PPP2R2B: variants seen among roughly 807,000 people sequenced by gnomAD.
PPP2R2B encodes the protein protein phosphatase 2 regulatory subunit Bbeta, also known as serine/threonine-protein phosphatase 2A 55 kDa regulatory subunit B beta isoform.
Under a neutral mutation model 46.0 loss-of-function variants are expected in PPP2R2B, and 5 were observed. The observed-to-expected ratio is 0.11, with a 90% CI of 0.06 to 0.23. The LOEUF is 0.23. PPP2R2B is among the 10% of genes least tolerant of loss of function. PPP2R2B has a pLI of 1.00. For synonymous variants in PPP2R2B, 215 were observed against 206.7 expected, an observed-to-expected ratio of 1.04 and a Z score of -0.34; for missense variants, 367 against 575.0, an observed-to-expected ratio of 0.64 and a Z score of 3.70.
intron 2 of PPP2R2B, among the ~76,000 whole-genome samples, chr5:146,712,493 T>A (rs1445929538): frequency 3.9e-5 from 6 of 152,224 alleles, no homozygotes; most frequent in African/African-American, 1.4e-4. Context: ...CTTTTATCTA[T>A]CCACTGAAAA....
At position 146,886,090 on chromosome 5, in the gene PPP2R2B, A is replaced by T. The variant is rs147466540; in HGVS notation, c.79+169575T>A. On this transcript the variant is annotated intron_variant, in intron 1 of 8. Coordinates refer to the PPP2R2B transcript ENST00000336640. ...GCGGTGGCTCACGCCTGTAGCCCCA[A>T]CACTTTGGGAGGCCGAGGCGGGCGG... 3.8e-3 allele frequency among the ~76,000 whole-genome samples: 575 copies of T among 152,172 alleles called. 1 individual carries two copies. Among genetic ancestry groups the T allele is most frequent in the African/African-American group, 0.013 (546 of 41,538 alleles).
chr5:147,079,445 C>CATATATACATATATATATAT (rs1757903695), intron 2 of PPP2R2B, among the ~76,000 whole-genome samples: 2 of 132,302 alleles, frequency 1.5e-5, no homozygotes, highest in African/African-American at 5.6e-5. Context: ...TATATATATA[C>CATATATACATATATATATAT]ATATATATAT....
chr5:146,737,348 A>G (rs1275502835), intron 2 of PPP2R2B, among the ~76,000 whole-genome samples: 1 of 152,230 alleles, frequency 6.6e-6, no homozygotes, highest in Non-Finnish European at 1.5e-5. Context: ...TCTTGCCAGT[A>G]GCTTTCCAAG....
chr5:146,724,330 G>A (rs1751709513), intron 2 of PPP2R2B, among the ~76,000 whole-genome samples: 1 of 150,512 alleles, frequency 6.6e-6, no homozygotes, highest in African/African-American at 2.5e-5. Context: ...TTTTTTTGAG[G>A]GTTACATGAG....
chr5:147,055,779 C>A, exon 1 of PPP2R2B: 1 of 1,569,748 alleles, frequency 6.4e-7, no homozygotes, highest in Non-Finnish European at 8.6e-7. Context: ...AATAAAAAAA[C>A]AGTCTCCTGA....
At chr5:146,874,136 G>A (rs1761768468) in intron 2 of PPP2R2B, among the ~76,000 whole-genome samples, 2 of 152,136 alleles carry the variant, frequency 1.3e-5, no homozygotes, top group South Asian at 4.1e-4. Flanking sequence ...GGCATCTTGT[G>A]CCTTTCCTAA....
chr5:147,010,312 AG>A (rs1754656310), intron 1 of PPP2R2B, among the ~76,000 whole-genome samples: 1 of 152,282 alleles, frequency 6.6e-6, no homozygotes, highest in Admixed American at 6.5e-5. Context: ...GCAGGGTGGA[AG>A]GGGGAATGGT....
rs113149104 is a variant in PPP2R2B, at chr5:146,592,637, T to C, written c.1052+334A>G. On this transcript the variant is annotated intron_variant, in intron 9 of 9. Coordinates refer to ENST00000394411, the MANE Select transcript of PPP2R2B (RefSeq NM_181675.4). The stretch of plus-strand genomic sequence containing the variant: ...AAGCCTACTTGGCATTAATCTGAAC[T>C]GTTCAGGCTGGAATTTGCTGGTGGA... Among the ~76,000 whole-genome samples the C allele has an allele frequency of 1.2e-3, 180 of 152,364 alleles. 1 individual carries two copies. The highest frequency in any genetic ancestry group is 4.2e-3 in the African/African-American group (176 of 41,588).
At chr5:146,804,011 A>C (rs541894406) in intron 2 of PPP2R2B, among the ~76,000 whole-genome samples, 43 of 151,946 alleles carry the variant, frequency 2.8e-4, no homozygotes, top group African/African-American at 9.9e-4. Context: ...ACTAGAAATA[A>C]AAAAAATTAG....
chr5:146,828,759 G>A (rs1758738423), intron 2 of PPP2R2B, among the ~76,000 whole-genome samples: 1 of 152,074 alleles, frequency 6.6e-6, no homozygotes, highest in Non-Finnish European at 1.5e-5. Context: ...CCCCCTCTTT[G>A]GAATTCTTAG....
intron 5 of PPP2R2B, among the ~76,000 whole-genome samples, chr5:146,671,511 G>T (rs1358851438): frequency 6.6e-6 from 1 of 152,174 alleles, no homozygotes; most frequent in East Asian, 1.9e-4. Context: ...TTTTACATTT[G>T]CTTCCTATAA....
intron 2 of PPP2R2B, among the ~76,000 whole-genome samples, chr5:146,749,330 C>A (rs952142460): frequency 6.6e-6 from 1 of 151,964 alleles, no homozygotes; most frequent in African/African-American, 2.4e-5. Flanking sequence ...TATTTTCTTC[C>A]GGCCTGTAGT....
chr5:146,654,962 T>C (rs531079369), intron 5 of PPP2R2B, among the ~76,000 whole-genome samples: 5 of 152,292 alleles, frequency 3.3e-5, no homozygotes, highest in African/African-American at 1.2e-4. Flanking sequence ...CTGAGCCATG[T>C]TGGCAGAGTA....
chr5:146,807,908 T>C (rs1757290661), intron 2 of PPP2R2B, among the ~76,000 whole-genome samples: 1 of 147,768 alleles, frequency 6.8e-6, no homozygotes, highest in Non-Finnish European at 1.5e-5. Context: ...CAAGCAATTC[T>C]CCTGCCTCAG....
intron 1 of PPP2R2B, among the ~76,000 whole-genome samples, chr5:147,017,208 G>T: frequency 6.6e-6 from 1 of 151,570 alleles, no homozygotes; most frequent in Non-Finnish European, 1.5e-5. Context: ...AATAGAATCA[G>T]CAGGATTTGG....
chr5:146,750,355 A>G (rs4705442), intron 2 of PPP2R2B, among the ~76,000 whole-genome samples: 131,430 of 152,202 alleles, frequency 0.86, 56,801 homozygotes, highest in Middle Eastern at 0.87. Context: ...TTTTGATAGC[A>G]ATCACATTAA....
At chr5:146,948,618 T>C (rs1339047721) in intron 1 of PPP2R2B, among the ~76,000 whole-genome samples, 1 of 152,102 alleles carries the variant, frequency 6.6e-6, no homozygotes, top group East Asian at 1.9e-4. Flanking sequence ...TAATTTTGTT[T>C]TCTTAAATTC....
At chr5:146,639,542 C>A (rs1288511920) in intron 6 of PPP2R2B, among the ~76,000 whole-genome samples, 2 of 152,126 alleles carry the variant, frequency 1.3e-5, no homozygotes, top group Non-Finnish European at 2.9e-5. Context: ...GGGATCAGGA[C>A]ACAGAGGGGC....
chr5:146,965,793 A>G (rs759915684), intron 1 of PPP2R2B, among the ~76,000 whole-genome samples: 60 of 152,212 alleles, frequency 3.9e-4, no homozygotes, highest in Non-Finnish European at 6.6e-4. Context: ...CATAGCAGGA[A>G]AGCATGATGG....
Sources: allele counts gnomAD v4.1 joint callset (sites outside exome capture counted in the v4.1 genomes callset), GRCh38; gene constraint gnomAD v4.1.1; transcripts MANE v1.5; gene names NCBI Gene and HGNC (gene_info 2026-07-23, HGNC 2026-07-21).